The following OGDH variants were observed in gnomAD, a reference collection of about 807,000 sequenced individuals.
OGDH encodes the protein oxoglutarate dehydrogenase, also known as 2-oxoglutarate dehydrogenase complex component E1.
In OGDH, 38 loss-of-function variants were observed where a neutral mutation model predicts 116.6. The ratio of observed to expected loss-of-function variants is 0.33; its 90% confidence interval spans 0.25 to 0.43. The LOEUF (loss-of-function observed/expected upper bound fraction) is 0.43. Ranked by LOEUF, OGDH falls within the 20% of genes least tolerant of loss-of-function variation. The pLI is 1.00. For missense variants in OGDH, 825 were observed against 1,357.2 expected (o/e 0.61, Z 6.16); for synonymous variants, 488 against 533.3 (o/e 0.92, Z 1.17).
At chr7:44,654,600 A>G (rs1238239116) in intron 4 of OGDH, among the ~76,000 whole-genome samples, 1 of 152,196 alleles carries the variant, frequency 6.6e-6, no homozygotes, top group Non-Finnish European at 1.5e-5. Flanking sequence ...CAGATAACCG[A>G]GGAGCTGGAG....
intron 2 of OGDH, among the ~76,000 whole-genome samples, chr7:44,627,227 C>A (rs906701613): frequency 6.6e-6 from 1 of 152,200 alleles, no homozygotes; most frequent in African/African-American, 2.4e-5. Context: ...GAACTCCTGG[C>A]CTCGTGATCC....
chr7:44,651,731 T>C (rs1282679862), intron 4 of OGDH, among the ~76,000 whole-genome samples: 2 of 149,646 alleles, frequency 1.3e-5, no homozygotes, highest in African/African-American at 5.1e-5. Context: ...CCAGCTAATT[T>C]TTGTATTTTT....
intron 1 of OGDH, among the ~76,000 whole-genome samples, chr7:44,610,377 C>G (rs1585205497): frequency 6.6e-6 from 1 of 151,960 alleles, no homozygotes; most frequent in African/African-American, 2.4e-5. Context: ...GTGGCGTAAT[C>G]TCTACAACCT....
In OGDH at chr7:44,699,440, A is replaced by G. The variant is rs981514125; in HGVS notation, c.2431-701A>G. ...ACTCCTGTCTCAAAAAAAAAAAAAAAAAAAAAAAACTCAAAGAAAATGATT... is the reference window on the plus strand; with the variant it reads ...ACTCCTGTCTCAAAAAAAAAAAAAAGAAAAAAAAACTCAAAGAAAATGATT... On this transcript the variant is annotated intron_variant, in intron 18 of 22. Coordinates refer to ENST00000222673, the MANE Select transcript of OGDH (RefSeq NM_002541.4). 2.6e-5 allele frequency among the ~76,000 whole-genome samples: 4 copies of G among 151,892 alleles called. 1 individual carries two copies. Among genetic ancestry groups the G allele is most frequent in the African/African-American group, 9.7e-5 (4 of 41,414 alleles).
At chr7:44,699,272 A>G (rs906326141) in intron 18 of OGDH, among the ~76,000 whole-genome samples, 1 of 151,958 alleles carries the variant, frequency 6.6e-6, no homozygotes, top group African/African-American at 2.4e-5. Context: ...CTAAAAATAC[A>G]AAAATTATTC....
intron 10 of OGDH, among the ~76,000 whole-genome samples, chr7:44,691,668 A>T (rs1019842024): frequency 6.6e-6 from 1 of 152,116 alleles, no homozygotes; most frequent in Non-Finnish European, 1.5e-5. Context: ...TTAAACAACC[A>T]CTAAAAAAGA....
At chr7:44,612,806 C>T (rs1156509210) in intron 1 of OGDH, among the ~76,000 whole-genome samples, 1 of 152,142 alleles carries the variant, frequency 6.6e-6, no homozygotes, top group Non-Finnish European at 1.5e-5. Context: ...AGCAATCTTG[C>T]TACTTCAGCC....
In OGDH at chr7:44,707,704, T is replaced by C; in HGVS notation, c.2919T>C (p.Leu973=). 1 of 1,614,140 alleles carries C rather than the reference T, an allele frequency of 6.2e-7. No individual in the cohort carries two copies. Among genetic ancestry groups the C allele is most frequent in the Non-Finnish European group, 8.5e-7 (1 of 1,180,028 alleles). Residue 973 remains leucine, a synonymous_variant, in exon 22 of 23, where the codon CTT becomes CTC. Coordinates refer to ENST00000222673, the MANE Select transcript of OGDH (RefSeq NM_002541.4). This position sits in a 1 kb window ranked among gnomAD's most constrained non-coding sequence, Gnocchi z 5.2. ...ACTATGACTACGTGAAGCCAAGACT[T>C]CGGACCACCATCAGCCGCGCCAAGC... The part of the protein sequence containing the change: ...QGYYDYVKPR[L]RTTISRAKPV...
At chr7:44,634,076 A>C (rs111566224) in intron 2 of OGDH, among the ~76,000 whole-genome samples, 56 of 152,268 alleles carry the variant, frequency 3.7e-4, no homozygotes, top group African/African-American at 1.3e-3. Flanking sequence ...CACTCCTCCC[A>C]CTGCCAGCTC....
At chr7:44,631,562 C>T (rs1008901794) in intron 2 of OGDH, among the ~76,000 whole-genome samples, 1 of 152,210 alleles carries the variant, frequency 6.6e-6, no homozygotes, top group African/African-American at 2.4e-5. Context: ...CCAACTTTAG[C>T]ACAGTATTTC....
At chr7:44,633,639 A>T (rs893907590) in intron 2 of OGDH, among the ~76,000 whole-genome samples, 1 of 152,174 alleles carries the variant, frequency 6.6e-6, no homozygotes, top group African/African-American at 2.4e-5. Context: ...GTGAGGAGAT[A>T]GCCTTTAGAA....
chr7:44,701,629 A>T lies in OGDH; in HGVS notation c.2632+14A>T, dbSNP rs752840245. The T allele has an allele frequency of 1.4e-5, 22 of 1,612,884 alleles. No homozygotes were observed. Among genetic ancestry groups the T allele is most frequent in the Non-Finnish European group, 1.6e-5 (19 of 1,179,100 alleles). ...AGATGCTTCCAGGTGGGTGTGAGGG[A>T]GATGGGCATTTCCTTGGGGGAAGCT... On this transcript the variant is annotated intron_variant, in intron 20 of 22. Coordinates refer to ENST00000222673, the MANE Select transcript of OGDH (RefSeq NM_002541.4).
chr7:44,688,174 C>A (rs895220292), intron 10 of OGDH, among the ~76,000 whole-genome samples: 6 of 151,940 alleles, frequency 3.9e-5, no homozygotes, highest in Non-Finnish European at 8.8e-5. Context: ...AGTTCAAGAC[C>A]AGCCTGGCCA....
At chr7:44,666,644 G>A (rs1585320574) in intron 4 of OGDH, 92 bp from the exon 5 acceptor site, 1 of 545,970 alleles carries the variant, frequency 1.8e-6, no homozygotes, top group East Asian at 3.1e-5. Context: ...GCTCACCTGG[G>A]GAGTTCCTTC....
intron 1 of OGDH, among the ~76,000 whole-genome samples, chr7:44,619,441 C>G (rs1040814042): frequency 2.0e-5 from 3 of 152,190 alleles, no homozygotes; most frequent in African/African-American, 7.2e-5. Flanking sequence ...CATTTAGTCA[C>G]AGAAATCTTC....
Position 44,632,026 on chromosome 7 carries a change from G to A in OGDH, c.222+7461G>A, listed in dbSNP as rs1785464183. On this transcript the variant is annotated intron_variant, in intron 2 of 22. Transcript: ENST00000222673. ...ATGGATGCAGGCTTCAGGGCCAGGA[G>A]CCAGACGCAGCAAGAAAAAACCAAA... Among the ~76,000 whole-genome samples, 4 of 152,208 alleles carry A rather than the reference G, an allele frequency of 2.6e-5. No individual in the cohort carries two copies. The South Asian group carries it at 8.3e-4, about 31-fold the overall frequency.
chr7:44,685,282 C>T (rs1412604018), intron 10 of OGDH, among the ~76,000 whole-genome samples: 1 of 152,180 alleles, frequency 6.6e-6, no homozygotes, highest in Non-Finnish European at 1.5e-5. Flanking sequence ...GCTTCCCTGA[C>T]CCCCAGCCCC....
At chr7:44,676,457 A>G in intron 9 of OGDH, 1 of 429,108 alleles carries the variant, frequency 2.3e-6, no homozygotes, top group Non-Finnish European at 4.1e-6. Context: ...CAGGAGGCTG[A>G]GGCAGGAGAA....
At chr7:44,655,777 G>A (rs1044990340) in intron 4 of OGDH, among the ~76,000 whole-genome samples, 1 of 152,220 alleles carries the variant, frequency 6.6e-6, no homozygotes, top group African/African-American at 2.4e-5. Flanking sequence ...GTTGTTTTCA[G>A]CTAGCAAGCA....
Sources: gnomAD v4.1 joint callset for allele counts (sites outside exome capture counted in the v4.1 genomes callset) on GRCh38, gnomAD v4.1.1 for gene constraint, Gnocchi (gnomAD v3.1) non-coding constraint, MANE v1.5 for transcripts, NCBI Gene and HGNC (gene_info 2026-07-23, HGNC 2026-07-21) for gene names.